SOX6: variants seen among roughly 807,000 people sequenced by gnomAD.
SOX6 encodes transcription factor SOX-6.
SOX6 carries 11 observed loss-of-function variants against 97.8 expected under a neutral mutation model. That is an observed-to-expected ratio of 0.11 (90% confidence interval 0.07 to 0.19). The LOEUF is 0.19. Among genes scored for constraint, SOX6 ranks in the 10% least tolerant of loss-of-function variants. The pLI is 1.00. For missense variants in SOX6, 810 were observed against 1,039.5 expected, an observed-to-expected ratio of 0.78 and a Z score of 3.04; for synonymous variants, 360 against 371.4, an observed-to-expected ratio of 0.97 and a Z score of 0.35.
chr11:16,256,023 G>A (rs893726647), intron 3 of SOX6, among the ~76,000 whole-genome samples: 4 of 151,870 alleles, frequency 2.6e-5, no homozygotes, highest in South Asian at 2.1e-4. Flanking sequence ...CAAGAGAAAC[G>A]ACACAATCTG....
Position 16,341,407 on chromosome 11 carries a change from ATGT to A in SOX6, c.-4-158_-4-156del, listed in dbSNP as rs1453043103. The A allele has an allele frequency of 1.5e-5, 16 of 1,046,080 alleles. No homozygotes were observed. The African/African-American group carries it at 2.4e-4, about 16-fold the overall frequency. 64.8% of individuals were successfully genotyped at this position (1,046,080 alleles called of 1,614,324 possible). A position where few individuals can be genotyped will look rare whatever the true frequency, so the allele number is the denominator to read the frequency against. On this transcript the variant is annotated intron_variant, in intron 1 of 15. Transcript: ENST00000683767. ...ACCCCTGAAAAAGAACTCCTGGCTT[ATGT>A]GTCCTTCTTTCCCTCTTTGCTTTTA... is the stretch of plus-strand genomic sequence containing the variant.
At chr11:16,730,243 G>A (rs529637957) in intron 2 of SOX6, among the ~76,000 whole-genome samples, 6 of 152,062 alleles carry the variant, frequency 3.9e-5, no homozygotes, top group Admixed American at 1.3e-4. Context: ...GGATCAAGCC[G>A]ACCTAATGGA....
intron 12 of SOX6, among the ~76,000 whole-genome samples, chr11:16,033,574 A>G (rs1207251947): frequency 2.0e-5 from 3 of 152,196 alleles, no homozygotes; most frequent in Non-Finnish European, 4.4e-5. Flanking sequence ...GAGTATTATT[A>G]AGATCAGAGA....
intron 3 of SOX6, among the ~76,000 whole-genome samples, chr11:16,651,854 T>C (rs968847212): frequency 4.6e-5 from 7 of 152,188 alleles, no homozygotes; most frequent in Admixed American, 1.3e-4. Context: ...ACAGATTATA[T>C]GATCATATAC....
At chr11:16,357,198 T>C (rs1245778711), upstream of SOX6, among the ~76,000 whole-genome samples, 1 of 152,124 alleles carries the variant, frequency 6.6e-6, no homozygotes, top group Non-Finnish European at 1.5e-5. Context: ...AGTTTGGCCA[T>C]CTGGAATGTC....
At chr11:16,512,099 C>A (rs1860887890) in intron 4 of SOX6, among the ~76,000 whole-genome samples, 2 of 152,028 alleles carry the variant, frequency 1.3e-5, no homozygotes, top group African/African-American at 2.4e-5. Context: ...CAATAGAAAC[C>A]AACCAAAACC....
At chr11:16,717,361 T>G (rs1204606046) in intron 2 of SOX6, among the ~76,000 whole-genome samples, 3 of 152,124 alleles carry the variant, frequency 2.0e-5, no homozygotes, top group Non-Finnish European at 4.4e-5. Context: ...CTTTTTAAGT[T>G]TTTAATTTCA....
At chr11:16,611,477 G>A (rs944127499) in intron 4 of SOX6, among the ~76,000 whole-genome samples, 4 of 152,206 alleles carry the variant, frequency 2.6e-5, no homozygotes, top group African/African-American at 9.6e-5. Context: ...ATAAATGAGA[G>A]AGTGTAAAAG....
chr11:16,070,726 C>G (rs1334036657), intron 9 of SOX6, among the ~76,000 whole-genome samples: 1 of 151,864 alleles, frequency 6.6e-6, no homozygotes. Flanking sequence ...CTGGGCTCAA[C>G]GCAGAGCCAG....
intron 1 of SOX6, among the ~76,000 whole-genome samples, chr11:16,355,586 G>T (rs1005346015): frequency 2.0e-5 from 3 of 151,852 alleles, no homozygotes; most frequent in Non-Finnish European, 2.9e-5. Flanking sequence ...TTACCCAGTG[G>T]TCTGCTTGTC....
chr11:16,410,778 A>T (rs1017588856), intron 1 of SOX6, among the ~76,000 whole-genome samples: 34 of 151,316 alleles, frequency 2.2e-4, no homozygotes, highest in Non-Finnish European at 4.6e-4. Context: ...AAAAAAAAAA[A>T]AGATATGAAC....
chr11:16,375,872 G>A (rs1330072157), intron 1 of SOX6, among the ~76,000 whole-genome samples: 1 of 152,110 alleles, frequency 6.6e-6, no homozygotes, highest in African/African-American at 2.4e-5. Flanking sequence ...ATGAGTTCAT[G>A]TCCTTTGAAA....
At chr11:16,146,126 A>C (rs2134048343) in intron 6 of SOX6, among the ~76,000 whole-genome samples, 1 of 152,320 alleles carries the variant, frequency 6.6e-6, no homozygotes, top group Middle Eastern at 3.4e-3. Flanking sequence ...AGTAACCAAA[A>C]CAGCATGGTA....
intron 12 of SOX6, among the ~76,000 whole-genome samples, chr11:16,030,981 C>T (rs984685457): frequency 2.0e-5 from 3 of 152,162 alleles, no homozygotes; most frequent in Admixed American, 6.5e-5. Context: ...CCTCCTCACA[C>T]AATAAATATG....
At chr11:16,346,729 T>C (rs1269610638) in intron 1 of SOX6, among the ~76,000 whole-genome samples, 2 of 152,032 alleles carry the variant, frequency 1.3e-5, no homozygotes. Context: ...TGGTAACACA[T>C]GAGGACAGTA....
chr11:16,116,992 G>A (rs938802247), intron 6 of SOX6, among the ~76,000 whole-genome samples: 1 of 152,102 alleles, frequency 6.6e-6, no homozygotes, highest in Non-Finnish European at 1.5e-5. Context: ...CATAAAACTG[G>A]TACCTGGTGC....
At chr11:16,625,071 C>T (rs187956114) in intron 3 of SOX6, among the ~76,000 whole-genome samples, 3 of 152,244 alleles carry the variant, frequency 2.0e-5, no homozygotes, top group Admixed American at 1.3e-4. Flanking sequence ...ATGGCTGTGA[C>T]TCCTCTATTC....
chr11:16,107,280 T>A (rs1390991020), intron 7 of SOX6, among the ~76,000 whole-genome samples: 1 of 151,380 alleles, frequency 6.6e-6, no homozygotes, highest in Non-Finnish European at 1.5e-5. Flanking sequence ...CTAACAAACA[T>A]TTCTATAACC....
chr11:16,733,308 C>T (rs552850631), intron 2 of SOX6, among the ~76,000 whole-genome samples: 2 of 152,246 alleles, frequency 1.3e-5, no homozygotes, highest in South Asian at 4.1e-4. Context: ...TTCACAATAG[C>T]AAAGACTTGG....
Sources: allele counts gnomAD v4.1 joint callset (sites outside exome capture counted in the v4.1 genomes callset), GRCh38; gene constraint gnomAD v4.1.1; transcripts MANE v1.5; gene names NCBI Gene and HGNC (gene_info 2026-07-23, HGNC 2026-07-21).